CNTNAP2: variants seen among roughly 807,000 people sequenced by gnomAD.
The protein encoded by CNTNAP2 is contactin-associated protein-like 2.
A neutral mutation model predicts 155.2 loss-of-function variants in CNTNAP2; 98 were observed. That is an observed-to-expected ratio of 0.63 (90% CI 0.54 to 0.75). The LOEUF (loss-of-function observed/expected upper bound fraction) is 0.75. Among genes scored for constraint, CNTNAP2 ranks in the 30% least tolerant of loss-of-function variants. The pLI is 0.00. For synonymous variants in CNTNAP2, 651 were observed against 631.2 expected, an observed-to-expected ratio of 1.03 and a Z score of -0.47; for missense variants, 1,727 against 1,688.1, an observed-to-expected ratio of 1.02 and a Z score of -0.40.
chr7:147,024,398 C>T (rs1048208281), intron 3 of CNTNAP2, among the ~76,000 whole-genome samples: 4 of 152,034 alleles, frequency 2.6e-5, no homozygotes, highest in African/African-American at 9.7e-5. Flanking sequence ...TGTGACAATG[C>T]CAATTTTCTG....
At chr7:148,404,796 G>A (rs6948763) in intron 22 of CNTNAP2, among the ~76,000 whole-genome samples, 43,562 of 151,922 alleles carry the variant, frequency 0.29, 7,103 homozygotes, top group African/African-American at 0.43. Context: ...CAGTGGGATG[G>A]GGAGCTGGAA....
chr7:147,576,594 T>C (rs1800400479), intron 12 of CNTNAP2, among the ~76,000 whole-genome samples: 1 of 152,106 alleles, frequency 6.6e-6, no homozygotes, highest in Non-Finnish European at 1.5e-5. Context: ...TCAGTCAGCA[T>C]TATGAAAAGT....
chr7:147,383,541 G>A (rs189979393), intron 9 of CNTNAP2, among the ~76,000 whole-genome samples: 11 of 152,128 alleles, frequency 7.2e-5, no homozygotes, highest in East Asian at 5.8e-4. Flanking sequence ...AACACCACAC[G>A]TTCTCACTCA....
intron 1 of CNTNAP2, among the ~76,000 whole-genome samples, chr7:146,552,745 C>T (rs530096836): frequency 6.6e-6 from 1 of 152,038 alleles, no homozygotes; most frequent in Non-Finnish European, 1.5e-5. Flanking sequence ...TGACTCTTCC[C>T]CTCTGCTCTC....
chr7:146,201,682 G>A (rs1310306731), intron 1 of CNTNAP2, among the ~76,000 whole-genome samples: 2 of 149,126 alleles, frequency 1.3e-5, no homozygotes, highest in Admixed American at 6.7e-5. Flanking sequence ...GTGTGAATCA[G>A]AAAAAAATAT....
intron 12 of CNTNAP2, among the ~76,000 whole-genome samples, chr7:147,596,945 G>T (rs1002897002): frequency 9.2e-5 from 14 of 152,148 alleles, no homozygotes; most frequent in African/African-American, 3.4e-4. Flanking sequence ...AAATGCCATG[G>T]CAATGTCAGG....
At chr7:147,330,817 T>C (rs1795547911) in intron 9 of CNTNAP2, among the ~76,000 whole-genome samples, 1 of 152,154 alleles carries the variant, frequency 6.6e-6, no homozygotes, top group Admixed American at 6.5e-5. Context: ...GAGGGATCGT[T>C]ATTTTCCCTA....
chr7:146,815,348 CTAAA>C (rs1487045751), intron 2 of CNTNAP2, among the ~76,000 whole-genome samples: 3 of 151,972 alleles, frequency 2.0e-5, no homozygotes, highest in Non-Finnish European at 4.4e-5. Context: ...ACTTTAGACT[CTAAA>C]TAACTGTGTG....
rs115453521 is a variant in CNTNAP2, at chr7:148,248,946, T to C, written c.3382-18087T>C. Among the ~76,000 whole-genome samples, 234 of 152,336 alleles carry C rather than the reference T, an allele frequency of 1.5e-3. 1 individual carries two copies. Among genetic ancestry groups the C allele is most frequent in the African/African-American group, 5.5e-3 (227 of 41,578 alleles). On this transcript the variant is annotated intron_variant, in intron 20 of 23. Coordinates refer to ENST00000361727, the MANE Select transcript of CNTNAP2 (RefSeq NM_014141.6). ...GTAGTATCTCATTTTGGGTTTAATT[T>C]TCATTTCCCTGATGACTGATGATGT...
chr7:147,230,094 T>G (rs903111090), intron 8 of CNTNAP2, among the ~76,000 whole-genome samples: 2 of 152,140 alleles, frequency 1.3e-5, no homozygotes, highest in Admixed American at 6.6e-5. Context: ...GCTTCATACA[T>G]TTACCACATG....
chr7:146,281,371 G>A (rs1419805843), intron 1 of CNTNAP2, among the ~76,000 whole-genome samples: 1 of 151,960 alleles, frequency 6.6e-6, no homozygotes, highest in Admixed American at 6.6e-5. Flanking sequence ...AGGTAAAGAG[G>A]GTACTTTCCT....
In CNTNAP2 at chr7:147,537,928, A is replaced by G. The variant is rs186081409; in HGVS notation, c.1778-24210A>G. ...TGTAGCACATGCTGGATGTTAACTA[A>G]AGATTCCTTGAATATATTATCTCTA... On this transcript the variant is annotated intron_variant, in intron 11 of 23. Transcript: ENST00000361727. Among the ~76,000 whole-genome samples, 682 of 152,308 alleles carry G rather than the reference A, an allele frequency of 4.5e-3. 3 individuals are homozygous for G. The highest frequency in any genetic ancestry group is 0.022 in the South Asian group (106 of 4,824).
At position 148,155,689 on chromosome 7, in the gene CNTNAP2, C is replaced by T. The variant is rs150119727; in HGVS notation, c.2773+7980C>T. Among the ~76,000 whole-genome samples the T allele has an allele frequency of 3.5e-3, 538 of 152,250 alleles. 1 individual carries two copies. The highest frequency in any genetic ancestry group is 6.0e-3 in the Non-Finnish European group (405 of 68,006). ...ACAGCTTTTTAAAAAATTTATATCTCAAAAGGGCAGAGAAAGAATTAACAA... is the reference window on the plus strand; with the variant it reads ...ACAGCTTTTTAAAAAATTTATATCTTAAAAGGGCAGAGAAAGAATTAACAA... On this transcript the variant is annotated intron_variant, in intron 17 of 23. Transcript: ENST00000361727.
At chr7:147,190,672 T>C (rs759537264) in intron 8 of CNTNAP2, among the ~76,000 whole-genome samples, 6 of 152,226 alleles carry the variant, frequency 3.9e-5, no homozygotes, top group Non-Finnish European at 8.8e-5. Context: ...AAATTAATTA[T>C]AATCATTTTG....
At chr7:147,424,197 AGTT>A (rs1331739626) in intron 10 of CNTNAP2, among the ~76,000 whole-genome samples, 3 of 152,092 alleles carry the variant, frequency 2.0e-5, no homozygotes, top group Non-Finnish European at 4.4e-5. Flanking sequence ...TACATTTCCT[AGTT>A]GTTTAAAATA....
chr7:146,423,919 G>A (rs1279406991), intron 1 of CNTNAP2, among the ~76,000 whole-genome samples: 1 of 152,128 alleles, frequency 6.6e-6, no homozygotes, highest in African/African-American at 2.4e-5. Context: ...CTCAATTTCT[G>A]TGATGTCTCT....
intron 14 of CNTNAP2, among the ~76,000 whole-genome samples, chr7:147,928,618 T>C (rs972482712): frequency 3.3e-5 from 5 of 152,136 alleles, no homozygotes; most frequent in Non-Finnish European, 7.3e-5. Flanking sequence ...AGTTATGTTT[T>C]TGGTAGCCTA....
At chr7:147,573,814 G>A (rs1800340734) in intron 12 of CNTNAP2, among the ~76,000 whole-genome samples, 1 of 152,108 alleles carries the variant, frequency 6.6e-6, no homozygotes, top group African/African-American at 2.4e-5. Flanking sequence ...ATATTGGAAT[G>A]CATGATTTTT....
At chr7:146,257,214 G>A (rs1355904725) in intron 1 of CNTNAP2, among the ~76,000 whole-genome samples, 1 of 152,148 alleles carries the variant, frequency 6.6e-6, no homozygotes, top group Non-Finnish European at 1.5e-5. Context: ...TATAAAGGGG[G>A]AGATGAATTA....
Sources: allele counts gnomAD v4.1 joint callset (sites outside exome capture counted in the v4.1 genomes callset), GRCh38; gene constraint gnomAD v4.1.1; transcripts MANE v1.5; gene names NCBI Gene and HGNC (gene_info 2026-07-23, HGNC 2026-07-21).